AJAP1: variants seen among roughly 807,000 people sequenced by gnomAD.
The protein encoded by AJAP1 is adherens junction-associated protein 1.
Under a neutral mutation model 35.0 loss-of-function variants are expected in AJAP1, and 5 were observed. That is an observed-to-expected ratio of 0.14 (90% CI 0.07 to 0.30). AJAP1 has a LOEUF of 0.30. AJAP1 is among the 10% of genes least tolerant of loss of function. AJAP1 has a pLI of 1.00. For synonymous variants in AJAP1, 284 were observed against 249.3 expected (o/e 1.14, Z -1.31); for missense variants, 586 against 571.0 (o/e 1.03, Z -0.27).
chr1:4,696,971 T>C (rs115326613), intron 1 of AJAP1, among the ~76,000 whole-genome samples: 5,710 of 151,830 alleles, frequency 0.038, 349 homozygotes, highest in African/African-American at 0.13. Context: ...TGTGTCTCTG[T>C]ATGTGCACAT....
intron 2 of AJAP1, among the ~76,000 whole-genome samples, chr1:4,758,876 T>C (rs1342517334): frequency 2.6e-5 from 4 of 152,166 alleles, no homozygotes; most frequent in Non-Finnish European, 4.4e-5. Flanking sequence ...CTCTTCCCTC[T>C]ACCCGAGATC....
At chr1:4,759,659 G>C (rs1228769152) in intron 2 of AJAP1, among the ~76,000 whole-genome samples, 1 of 152,222 alleles carries the variant, frequency 6.6e-6, no homozygotes, top group African/African-American at 2.4e-5. Context: ...GCACATGTCT[G>C]CTGAATGGAA....
At chr1:4,709,847 G>T (rs1487188566) in intron 1 of AJAP1, among the ~76,000 whole-genome samples, 1 of 152,148 alleles carries the variant, frequency 6.6e-6, no homozygotes, top group Non-Finnish European at 1.5e-5. Flanking sequence ...AAGCCTTATT[G>T]TTTGGGGATT....
intron 5 of AJAP1, chr1:4,777,373 AAAGTCAGCC>A (rs1441391044): frequency 6.6e-6 from 1 of 152,194 alleles, no homozygotes; most frequent in Non-Finnish European, 1.5e-5. Context: ...TTTGGGACCC[AAAGTCAGCC>A]AAGTTCGTTT....
chr1:4,719,319 T>C (rs1266801194), intron 2 of AJAP1, among the ~76,000 whole-genome samples: 1 of 152,166 alleles, frequency 6.6e-6, no homozygotes. Flanking sequence ...TCCTCCTCTT[T>C]TCAAGGAGTT....
At chr1:4,751,260 C>T (rs1310147312) in intron 2 of AJAP1, among the ~76,000 whole-genome samples, 1 of 152,192 alleles carries the variant, frequency 6.6e-6, no homozygotes, top group Non-Finnish European at 1.5e-5. Context: ...CGCTGGACAC[C>T]TTCGTCCAGC....
intron 1 of AJAP1, among the ~76,000 whole-genome samples, chr1:4,686,852 T>A (rs1245659665): frequency 6.6e-6 from 1 of 152,184 alleles, no homozygotes; most frequent in Non-Finnish European, 1.5e-5. Context: ...GTGGCCTCCG[T>A]TCTCTGATGC....
Position 4,656,615 on chromosome 1 carries a change from A to G in AJAP1, c.29+1161A>G, listed in dbSNP as rs1638888166. Among the ~76,000 whole-genome samples, 1 of 152,154 alleles carries G rather than the reference A, an allele frequency of 6.6e-6. No homozygotes were observed. Among genetic ancestry groups the G allele is most frequent in the Non-Finnish European group, 1.5e-5 (1 of 68,022 alleles). ...CGTGTCCTGATTTTGAGAAATCGGA[A>G]GGGGACTGGGACGCCAAGTGTTTTC... On this transcript the variant is annotated intron_variant, in intron 1 of 5. Coordinates refer to ENST00000378191, the MANE Select transcript of AJAP1 (RefSeq NM_018836.4). The surrounding 1 kb of genome is among the most constrained non-coding windows in gnomAD (Gnocchi z 5.7).
At chr1:4,663,191 C>G (rs983190265) in intron 1 of AJAP1, among the ~76,000 whole-genome samples, 2 of 152,136 alleles carry the variant, frequency 1.3e-5, no homozygotes, top group African/African-American at 2.4e-5. Context: ...GTTGCCCAGG[C>G]TGGTCTCAAA....
At chr1:4,695,908 G>A (rs945011261) in intron 1 of AJAP1, among the ~76,000 whole-genome samples, 1 of 152,210 alleles carries the variant, frequency 6.6e-6, no homozygotes, top group Non-Finnish European at 1.5e-5. Flanking sequence ...AGACAGGAGC[G>A]TGATCCTGTG....
At chr1:4,663,502 G>C (rs971151208) in intron 1 of AJAP1, among the ~76,000 whole-genome samples, 1 of 152,234 alleles carries the variant, frequency 6.6e-6, no homozygotes, top group Admixed American at 6.5e-5. Flanking sequence ...GAGAAATTAA[G>C]AGAACATTTC....
chr1:4,751,103 G>C (rs886894116), intron 2 of AJAP1, among the ~76,000 whole-genome samples: 1 of 151,916 alleles, frequency 6.6e-6, no homozygotes, highest in Non-Finnish European at 1.5e-5. Flanking sequence ...AGTGCCTCTC[G>C]CTCCCCTGGC....
chr1:4,723,666 G>A lies in AJAP1; in HGVS notation c.829+10967G>A, dbSNP rs1035215269. On this transcript the variant is annotated intron_variant, in intron 2 of 5. Coordinates refer to ENST00000378191, the MANE Select transcript of AJAP1 (RefSeq NM_018836.4). This position sits in a 1 kb window ranked among gnomAD's most constrained non-coding sequence, Gnocchi z 4.3. ...GAAGGGAGACGGGAGGTGAGCCGCA[G>A]ATGCAGTGGGTGGAGCTGAATATTT... 6.6e-6 allele frequency among the ~76,000 whole-genome samples: 1 copy of A among 152,206 alleles called. No homozygotes were observed. Among genetic ancestry groups the A allele is most frequent in the African/African-American group, 2.4e-5 (1 of 41,448 alleles).
Position 4,791,428 on chromosome 1 carries a change from G to A in AJAP1, c.*8943G>A, listed in dbSNP as rs1570244538. On this transcript the variant is annotated 3_prime_UTR_variant, in exon 6 of 6. Coordinates refer to ENST00000378191, the MANE Select transcript of AJAP1 (RefSeq NM_018836.4). ...TGGAACCTTCCAGTTGTTTAATTCT[G>A]TAGAAACTGTTCACGAAAGGCTGAA... The A allele has an allele frequency of 6.6e-6, 1 of 152,314 alleles. No homozygotes were observed. Among genetic ancestry groups the A allele is most frequent in the South Asian group, 2.1e-4 (1 of 4,824 alleles). The allele number at this position is 152,314 out of a possible 1,614,324, so 9.4% of individuals were successfully genotyped here.
At chr1:4,752,857 C>T (rs1641349063) in intron 2 of AJAP1, among the ~76,000 whole-genome samples, 1 of 152,180 alleles carries the variant, frequency 6.6e-6, no homozygotes, top group African/African-American at 2.4e-5. Flanking sequence ...AAGACTGGGT[C>T]CTCTAGGGAA....
rs1353900418 is a variant in AJAP1, at chr1:4,654,907, G to A, written c.-519G>A. 6.7e-6 allele frequency: 1 copy of A among 149,910 alleles called. No individual in the cohort carries two copies. The highest frequency in any genetic ancestry group is 1.5e-5 in the Non-Finnish European group (1 of 67,168). The allele number at this position is 149,910 out of a possible 1,614,324, so 9.3% of individuals were successfully genotyped here. On this transcript the variant is annotated 5_prime_UTR_variant, in exon 1 of 6. Coordinates refer to ENST00000378191, the MANE Select transcript of AJAP1 (RefSeq NM_018836.4). The surrounding 1 kb of genome is among the most constrained non-coding windows in gnomAD (Gnocchi z 5.1). ...GAGCCCCCCGACCCGGCAGCGCGGA[G>A]GGGACTCGCGTCCGTCCGCGTCGCG...
chr1:4,676,526 A>G (rs1639366901), intron 1 of AJAP1, among the ~76,000 whole-genome samples: 1 of 152,140 alleles, frequency 6.6e-6, no homozygotes, highest in Admixed American at 6.5e-5. Flanking sequence ...ACGCTGCCTC[A>G]GGGACTCTGG....
intron 2 of AJAP1, among the ~76,000 whole-genome samples, chr1:4,759,881 G>A (rs1002104551): frequency 1.3e-5 from 2 of 152,176 alleles, no homozygotes; most frequent in Non-Finnish European, 2.9e-5. Flanking sequence ...CTCCCGCCAG[G>A]CTCCAGCTGT....
intron 2 of AJAP1, among the ~76,000 whole-genome samples, chr1:4,744,631 A>ATGCCCACATGCATATG (rs956966961): frequency 1.5e-5 from 1 of 67,904 alleles, no homozygotes; most frequent in Non-Finnish European, 3.6e-5. Context: ...ATATGCACAC[A>ATGCCCACATGCATATG]CACACACACA....
Sources: gnomAD v4.1 joint callset for allele counts (sites outside exome capture counted in the v4.1 genomes callset) on GRCh38, gnomAD v4.1.1 for gene constraint, Gnocchi (gnomAD v3.1) non-coding constraint, MANE v1.5 for transcripts, NCBI Gene and HGNC (gene_info 2026-07-23, HGNC 2026-07-21) for gene names.